Variants in ENTREP2 observed in about 807,000 individuals in gnomAD.
The protein encoded by ENTREP2 is endosomal transmembrane epsin interactor 2.
the ENTREP2 span, among the ~76,000 whole-genome samples, chr15:29,438,520 A>C: frequency 6.6e-6 from 1 of 152,012 alleles, no homozygotes; most frequent in Non-Finnish European, 1.5e-5. Context: ...TGTAGCTGGA[A>C]ATGCCGCAGC....
At chr15:29,148,454 A>G in the ENTREP2 span, among the ~76,000 whole-genome samples, 1 of 152,190 alleles carries the variant, frequency 6.6e-6, no homozygotes, top group Non-Finnish European at 1.5e-5. Context: ...CTTTTACATA[A>G]AATAATGTTG....
At chr15:29,656,229 A>AT in the ENTREP2 span, among the ~76,000 whole-genome samples, 2,302 of 145,404 alleles carry the variant, frequency 0.016, 60 homozygotes, top group African/African-American at 0.048. Context: ...TGTTAACGGA[A>AT]TTTTTTTTTT....
the ENTREP2 span, among the ~76,000 whole-genome samples, chr15:29,618,310 C>T: frequency 6.6e-6 from 1 of 151,464 alleles, no homozygotes; most frequent in African/African-American, 2.4e-5. Context: ...GTAATCCCAG[C>T]TATTTGGGAG....
chr15:29,362,417 C>T, the ENTREP2 span, among the ~76,000 whole-genome samples: 1 of 144,348 alleles, frequency 6.9e-6, no homozygotes, highest in East Asian at 2.0e-4. Context: ...CTCTGTCACC[C>T]AGGCTAGAAT....
the ENTREP2 span, among the ~76,000 whole-genome samples, chr15:29,163,933 A>C: frequency 6.6e-6 from 1 of 152,256 alleles, no homozygotes; most frequent in Non-Finnish European, 1.5e-5. Context: ...CAGGTAACCT[A>C]TAAAAGAAAA....
the ENTREP2 span, chr15:29,267,291 T>G: frequency 6.6e-6 from 1 of 152,214 alleles, no homozygotes; most frequent in African/African-American, 2.4e-5. Context: ...AACAATTAAC[T>G]TATTTGCCCA....
chr15:29,474,802 G>A, the ENTREP2 span, among the ~76,000 whole-genome samples: 3 of 152,128 alleles, frequency 2.0e-5, no homozygotes, highest in East Asian at 1.9e-4. Context: ...TGATTTACTC[G>A]CGCCTCAGCC....
At chr15:29,298,224 G>T in the ENTREP2 span, among the ~76,000 whole-genome samples, 1 of 152,064 alleles carries the variant, frequency 6.6e-6, no homozygotes, top group African/African-American at 2.4e-5. Context: ...AAACTAATAG[G>T]ATACAAGTCA....
the ENTREP2 span, among the ~76,000 whole-genome samples, chr15:29,661,817 C>T: frequency 6.6e-6 from 1 of 152,130 alleles, no homozygotes; most frequent in Non-Finnish European, 1.5e-5. Flanking sequence ...CTGTTGTTTT[C>T]CATTTCAATA....
At chr15:29,196,361 T>C in the ENTREP2 span, 3 of 1,513,976 alleles carry the variant, frequency 2.0e-6, no homozygotes, top group Non-Finnish European at 1.8e-6. Context: ...TATATGTTAA[T>C]AAGGCTTCCT....
At chr15:29,618,004 C>T in the ENTREP2 span, among the ~76,000 whole-genome samples, 1 of 152,214 alleles carries the variant, frequency 6.6e-6, no homozygotes, top group Non-Finnish European at 1.5e-5. Flanking sequence ...GTTGGGCTTC[C>T]TCCACTCCCA....
At chr15:29,222,342 A>G in the ENTREP2 span, among the ~76,000 whole-genome samples, 8 of 152,200 alleles carry the variant, frequency 5.3e-5, no homozygotes, top group African/African-American at 1.9e-4. Context: ...CTTGTTTAGC[A>G]TATCATCACG....
the ENTREP2 span, among the ~76,000 whole-genome samples, chr15:29,287,510 CA>C: frequency 6.6e-6 from 1 of 152,152 alleles, no homozygotes; most frequent in South Asian, 2.1e-4. Flanking sequence ...ACCAAAACAC[CA>C]TACTCAATCA....
At chr15:29,406,371 A>C in the ENTREP2 span, among the ~76,000 whole-genome samples, 1 of 152,016 alleles carries the variant, frequency 6.6e-6, no homozygotes, top group Admixed American at 6.6e-5. Context: ...ACATGGCGAA[A>C]CCGCATCTCT....
chr15:29,219,433 T>C, the ENTREP2 span, among the ~76,000 whole-genome samples: 3 of 151,482 alleles, frequency 2.0e-5, no homozygotes, highest in African/African-American at 7.3e-5. Flanking sequence ...AGAAGTAAAA[T>C]AGAACTACCA....
the ENTREP2 span, chr15:29,123,308 G>A: frequency 8.4e-5 from 124 of 1,478,234 alleles, no homozygotes; most frequent in East Asian, 1.2e-3. Flanking sequence ...GGCGCCAGGC[G>A]TTGGTGTCCA....
the ENTREP2 span, among the ~76,000 whole-genome samples, chr15:29,327,594 CAAAA>C: frequency 1.1e-5 from 1 of 92,370 alleles, no homozygotes; most frequent in Non-Finnish European, 2.5e-5. Context: ...GACCCCATCT[CAAAA>C]AAAAAAAAAA....
chr15:29,502,777 TAAGGATTTGAAC>T, the ENTREP2 span, among the ~76,000 whole-genome samples: 1 of 151,944 alleles, frequency 6.6e-6, no homozygotes, highest in Non-Finnish European at 1.5e-5. Flanking sequence ...GGAAAAGGGC[TAAGGATTTGAAC>T]AAAAATTTCT....
the ENTREP2 span, among the ~76,000 whole-genome samples, chr15:29,449,319 G>A: frequency 3.9e-5 from 6 of 152,188 alleles, no homozygotes; most frequent in Admixed American, 2.6e-4. Context: ...TCCATGAAAC[G>A]ATGTGTTTGA....
Sources: gnomAD v4.1 joint callset for allele counts (sites outside exome capture counted in the v4.1 genomes callset) on GRCh38, gnomAD v4.1.1 for gene constraint, MANE v1.5 for transcripts, NCBI Gene and HGNC (gene_info 2026-07-23, HGNC 2026-07-21) for gene names.